Variants in TMEM42 observed in about 807,000 individuals in gnomAD.
TMEM42 encodes the protein transmembrane protein 42.
Under a neutral mutation model 14.0 loss-of-function variants are expected in TMEM42, and 8 were observed. The observed-to-expected ratio is 0.57, with a 90% confidence interval of 0.34 to 1.03. TMEM42 has a LOEUF of 1.03. Among genes scored for constraint, TMEM42 ranks in the 50% least tolerant of loss-of-function variants. TMEM42 has a pLI of 0.03. For synonymous variants in TMEM42, 115 were observed against 94.3 expected (o/e 1.22, Z -1.27); for missense variants, 211 against 219.8 (o/e 0.96, Z 0.25).
rs1456128154 is a variant in TMEM42 at position 44,864,291 on chromosome 3, T to C, written c.287T>C (p.Met96Thr). 1 of 1,614,226 alleles carries C rather than the reference T, an allele frequency of 6.2e-7. No homozygotes were observed. The highest frequency in any genetic ancestry group is 8.5e-7 in the Non-Finnish European group (1 of 1,180,034). The change falls in exon 2 of 3, where the codon ATG becomes ACG. Residue 96 changes from methionine to threonine, a missense_variant. Transcript: ENST00000302392. ...TTTAGCCGGGGCCTCAGTTTCTCCATGTCTTCAGCCATTGCATCTGTCACA... is the reference window on the plus strand; with the variant it reads ...TTTAGCCGGGGCCTCAGTTTCTCCACGTCTTCAGCCATTGCATCTGTCACA... ...TFFSRGLSFS[M>T]SSAIASVTVT... is the part of the protein sequence containing the mutation.
At chr3:44,862,915 AGT>A (rs1478315817) in intron 1 of TMEM42, 1 of 151,834 alleles carries the variant, frequency 6.6e-6, no homozygotes, top group African/African-American at 2.4e-5. Context: ...TCATGGGGTA[AGT>A]GGTCGAAAGT....
At chr3:44,863,117 A>G (rs1183889214) in intron 1 of TMEM42, 2 of 151,908 alleles carry the variant, frequency 1.3e-5, no homozygotes, top group Non-Finnish European at 2.9e-5. Context: ...TTTTTAGCTC[A>G]TCATATATCA....
intron 1 of TMEM42, chr3:44,862,387 C>A (rs1490980247): frequency 6.4e-6 from 1 of 155,066 alleles, no homozygotes; most frequent in African/African-American, 2.4e-5. Context: ...ACTGAGGCCT[C>A]TTCCCTTACC....
Position 44,861,976 on chromosome 3 carries a change from C to G in TMEM42, c.52C>G (p.Pro18Ala). The G allele has an allele frequency of 7.2e-7, 1 of 1,388,122 alleles. No homozygotes were observed. Among genetic ancestry groups the G allele is most frequent in the Middle Eastern group, 2.0e-4 (1 of 5,084 alleles). 86.0% of individuals were successfully genotyped at this position (1,388,122 alleles called of 1,614,324 possible). ...CGGCGCCGTGTCCGCGACCGCGTAC[C>G]CTGACACCCCCGCGGAATTCCCTCC... is the stretch of plus-strand genomic sequence containing the variant. Reference protein sequence around the residue: ...PGGAVSATAYPDTPAEFPPHL... With the variant: ...PGGAVSATAYADTPAEFPPHL... The change falls in exon 1 of 3, where the codon CCT (proline) becomes GCT (alanine). Residue 18 changes from proline (P) to alanine (A), a missense_variant. Pro to Ala is a conservative substitution (Grantham distance 27). Coordinates refer to ENST00000302392, the MANE Select transcript of TMEM42 (RefSeq NM_144638.3).
At chr3:44,862,157 G>A in intron 1 of TMEM42, 41 bp downstream of exon 1, 3 of 1,130,150 alleles carry the variant, frequency 2.7e-6, no homozygotes, top group Non-Finnish European at 3.3e-6. Context: ...CTGCGGGCGG[G>A]CGGGCGGGGC....
At chr3:44,863,431 A>T (rs1319475610) in intron 1 of TMEM42, 1 of 151,840 alleles carries the variant, frequency 6.6e-6, no homozygotes, top group African/African-American at 2.4e-5. Context: ...TTTAAAAAAA[A>T]AGAAAGAAAA....
In TMEM42 at chr3:44,865,295, C is replaced by G; in HGVS notation, c.*115C>G. 1.4e-6 allele frequency: 2 copies of G among 1,416,576 alleles called. No individual in the cohort carries two copies. Among genetic ancestry groups the G allele is most frequent in the Non-Finnish European group, 1.9e-6 (2 of 1,027,878 alleles). The allele number at this position is 1,416,576 out of a possible 1,614,324, so 87.8% of individuals were successfully genotyped here. A position where few individuals can be genotyped will look rare whatever the true frequency, so the allele number is the denominator to read the frequency against. ...GTTGTGCAGCCTTCTGACCATCAGCCAAGGGAAGCAGGCCTCTGATGGAGC... is the reference window on the plus strand; with the variant it reads ...GTTGTGCAGCCTTCTGACCATCAGCGAAGGGAAGCAGGCCTCTGATGGAGC... On this transcript the variant is annotated 3_prime_UTR_variant, in exon 3 of 3. Transcript: ENST00000302392.
In TMEM42 at chr3:44,861,957, C is replaced by T. The variant is rs1314720744; in HGVS notation, c.33C>T (p.Ala11=). 4 of 1,402,802 alleles carry T rather than the reference C, an allele frequency of 2.9e-6. No individual in the cohort carries two copies. The highest frequency in any genetic ancestry group is 3.7e-6 in the Non-Finnish European group (4 of 1,080,784). 86.9% of individuals were successfully genotyped at this position (1,402,802 alleles called of 1,614,324 possible). A position where few individuals can be genotyped will look rare whatever the true frequency, so the allele number is the denominator to read the frequency against. The part of the protein sequence containing the change: MAERPGPPGG[A]VSATAYPDTP... ...AGAGGCCGGGGCCTCCGGGCGGCGCCGTGTCCGCGACCGCGTACCCTGACA... is the reference window on the plus strand; with the variant it reads ...AGAGGCCGGGGCCTCCGGGCGGCGCTGTGTCCGCGACCGCGTACCCTGACA... Residue 11 remains alanine, a synonymous_variant, in exon 1 of 3, where the codon GCC becomes GCT. Transcript: ENST00000302392.
chr3:44,865,279 C>G lies in TMEM42; in HGVS notation c.*99C>G. 4.0e-6 allele frequency: 6 copies of G among 1,512,822 alleles called. No homozygotes were observed. Among genetic ancestry groups the G allele is most frequent in the Non-Finnish European group, 4.5e-6 (5 of 1,103,760 alleles). The allele number at this position is 1,512,822 out of a possible 1,614,324, so 93.7% of individuals were successfully genotyped here. On this transcript the variant is annotated 3_prime_UTR_variant, in exon 3 of 3. Coordinates refer to ENST00000302392, the MANE Select transcript of TMEM42 (RefSeq NM_144638.3). ...ATCCTAGGGCGATCCAGTTGTGCAG[C>G]CTTCTGACCATCAGCCAAGGGAAGC...
At chr3:44,864,956 C>T in intron 2 of TMEM42, 84 bp from the exon 3 acceptor site, 1 of 1,566,656 alleles carries the variant, frequency 6.4e-7, no homozygotes, top group South Asian at 1.1e-5. Flanking sequence ...CTCCTGGCAC[C>T]CTTAGAAGGA....
At chr3:44,864,626 GC>G (rs984226601) in intron 2 of TMEM42, among the ~76,000 whole-genome samples, 3 of 152,124 alleles carry the variant, frequency 2.0e-5, no homozygotes, top group African/African-American at 7.2e-5. Flanking sequence ...GTGCATCCTA[GC>G]TGTTTCCTAG....
At chr3:44,863,956 T>A in intron 1 of TMEM42, 1 of 528,192 alleles carries the variant, frequency 1.9e-6, no homozygotes, top group Non-Finnish European at 3.4e-6. Context: ...CCCAAGATCA[T>A]ATGGCCAGCA....
chr3:44,863,476 CTAAA>C (rs1473185485), intron 1 of TMEM42: 3 of 152,224 alleles, frequency 2.0e-5, no homozygotes, highest in South Asian at 2.1e-4. Context: ...TCTGGGATCA[CTAAA>C]TAGTCTGAGG....
intron 1 of TMEM42, chr3:44,863,361 A>G (rs1319577244): frequency 8.2e-6 from 1 of 121,412 alleles, no homozygotes; most frequent in Non-Finnish European, 1.6e-5. Flanking sequence ...AGCAAGGGGG[A>G]CTGCATATCC....
At position 44,864,323 on chromosome 3, in the gene TMEM42, T is replaced by G. The variant is rs779923656; in HGVS notation, c.319T>G (p.Phe107Val). Residue 107 changes from phenylalanine to valine, a missense_variant, in exon 2 of 3, where the codon TTT becomes GTT. Transcript: ENST00000302392. ...AGCCATTGCATCTGTCACAGTGACTTTTTCAAATATCCTCAGCTCGGTGAG... is the reference window on the plus strand; with the variant it reads ...AGCCATTGCATCTGTCACAGTGACTGTTTCAAATATCCTCAGCTCGGTGAG... Reference protein sequence around the residue: ...SSAIASVTVTFSNILSSAFLG... With the variant: ...SSAIASVTVTVSNILSSAFLG... 27 of 1,614,190 alleles carry G rather than the reference T, an allele frequency of 1.7e-5. No homozygotes were observed. The highest frequency in any genetic ancestry group is 2.2e-5 in the Non-Finnish European group (26 of 1,180,042).
intron 2 of TMEM42, 135 bp from the exon 3 acceptor site, chr3:44,864,904 CA>C: frequency 1.8e-6 from 2 of 1,109,998 alleles, no homozygotes; most frequent in Non-Finnish European, 2.6e-6. Flanking sequence ...ATGAAGGTGA[CA>C]GCTAGGTTTC....
chr3:44,862,739 C>T (rs1242318141), intron 1 of TMEM42: 1 of 151,894 alleles, frequency 6.6e-6, no homozygotes, highest in Non-Finnish European at 1.5e-5. Flanking sequence ...CTCTCCCTCC[C>T]ACGTCGTAGA....
intron 1 of TMEM42, chr3:44,863,052 C>T (rs1423743857): frequency 6.6e-6 from 1 of 151,976 alleles, no homozygotes; most frequent in African/African-American, 2.4e-5. Context: ...CAACTCGCGG[C>T]CCAACGCAAA....
In TMEM42 at chr3:44,861,933, G is replaced by T; in HGVS notation, c.9G>T (p.Glu3Asp). Residue 3 changes from glutamate (E) to aspartate (D), a missense_variant, in exon 1 of 3, where the codon GAG becomes GAT. Physicochemically the swap from Glu to Asp is conservative, Grantham distance 45. Transcript: ENST00000302392. ...CGGTGTCAGCAGGCAACATGGCCGA[G>T]AGGCCGGGGCCTCCGGGCGGCGCCG... is the stretch of plus-strand genomic sequence containing the variant. MA[E>D]RPGPPGGAVS... The T allele has an allele frequency of 1.4e-6, 2 of 1,441,508 alleles. No homozygotes were observed. Among genetic ancestry groups the T allele is most frequent in the Non-Finnish European group, 1.8e-6 (2 of 1,101,062 alleles). The allele number at this position is 1,441,508 out of a possible 1,614,324, so 89.3% of individuals were successfully genotyped here. A position where few individuals can be genotyped will look rare whatever the true frequency, so the allele number is the denominator to read the frequency against.
Sources: gnomAD v4.1 joint callset for allele counts (sites outside exome capture counted in the v4.1 genomes callset) on GRCh38, gnomAD v4.1.1 for gene constraint, MANE v1.5 for transcripts, NCBI Gene and HGNC (gene_info 2026-07-23, HGNC 2026-07-21) for gene names.